The following SWT1 variants were observed in gnomAD, a reference collection of about 807,000 sequenced individuals.
SWT1 encodes transcriptional protein SWT1.
A neutral mutation model predicts 107.3 loss-of-function variants in SWT1; 33 were observed. The ratio of observed to expected loss-of-function variants is 0.31; its 90% CI spans 0.23 to 0.41. SWT1 has a LOEUF of 0.41. SWT1 is among the 10% of genes least tolerant of loss of function. The probability of loss-of-function intolerance (pLI) is 1.00; values close to 1 mark genes in which losing one functional copy is unlikely to be tolerated. For missense variants in SWT1, 898 were observed against 1,028.9 expected (o/e 0.87, Z 1.74); for synonymous variants, 345 against 348.3 (o/e 0.99, Z 0.11).
intron 4 of SWT1, among the ~76,000 whole-genome samples, chr1:185,173,546 A>C (rs1249799683): frequency 6.7e-6 from 1 of 149,932 alleles, no homozygotes; most frequent in Middle Eastern, 3.2e-3. Flanking sequence ...AAAAAAAAAA[A>C]AAAAATACAA....
rs77609322 is a variant in SWT1, at chr1:185,217,302, C to T, written c.2121+2647C>T. 5.8e-3 allele frequency among the ~76,000 whole-genome samples: 889 copies of T among 152,242 alleles called. 32 individuals carry two copies. The East Asian group carries it at 0.094, about 16-fold the overall frequency. On this transcript the variant is annotated intron_variant, in intron 14 of 18. Transcript: ENST00000367500. ...TATTGGCATAGCAGGAGGTGAGCAG[C>T]GAGCAAGCAAGCAAAACTTAATCTG...
chr1:185,251,444 T>G (rs1662013195), intron 16 of SWT1: 2 of 152,350 alleles, frequency 1.3e-5, no homozygotes, highest in Admixed American at 1.3e-4. Context: ...TCCATATTAT[T>G]ATATACTTGC....
intron 5 of SWT1, 149 bp downstream of exon 5, chr1:185,175,262 G>A: frequency 2.9e-6 from 2 of 692,636 alleles, no homozygotes; most frequent in Non-Finnish European, 4.2e-6. Context: ...TCACTCCGTT[G>A]CCCAAGCTGG....
chr1:185,175,809 C>T (rs190217114), intron 5 of SWT1, among the ~76,000 whole-genome samples: 9 of 152,136 alleles, frequency 5.9e-5, no homozygotes, highest in African/African-American at 2.2e-4. Flanking sequence ...TCACCGTGTA[C>T]CAGGCACCAC....
At chr1:185,265,270 T>A (rs1017210551) in intron 16 of SWT1, among the ~76,000 whole-genome samples, 1 of 152,226 alleles carries the variant, frequency 6.6e-6, no homozygotes, top group Non-Finnish European at 1.5e-5. Context: ...AATTGTTCTT[T>A]CACCATTTTA....
rs1665228825 is a variant in SWT1 at position 185,291,122 on chromosome 1, T to A, written c.*319T>A. ...TCCTAGGGCAGGAGCCACTGTGGCA[T>A]CTGAGGAAGACCCAGGGTACAGTAT... On this transcript the variant is annotated 3_prime_UTR_variant, in exon 19 of 19. Transcript: ENST00000367500. The A allele has an allele frequency of 1.2e-5, 2 of 166,788 alleles. No individual in the cohort carries two copies. The highest frequency in any genetic ancestry group is 1.3e-4 in the Admixed American group (2 of 15,840). 10.3% of individuals were successfully genotyped at this position (166,788 alleles called of 1,614,324 possible).
At chr1:185,228,321 G>C (rs1660250830) in intron 15 of SWT1, among the ~76,000 whole-genome samples, 1 of 151,672 alleles carries the variant, frequency 6.6e-6, no homozygotes, top group South Asian at 2.1e-4. Flanking sequence ...AGGAGTTTGA[G>C]ACCAGCCTGG....
At chr1:185,213,726 T>A (rs1236761417) in intron 13 of SWT1, among the ~76,000 whole-genome samples, 2 of 152,144 alleles carry the variant, frequency 1.3e-5, no homozygotes, top group African/African-American at 4.8e-5. Context: ...TGGAAATAAT[T>A]TTTTCTGTTC....
intron 5 of SWT1, 53 bp from the exon 6 acceptor site, chr1:185,180,338 A>C: frequency 6.9e-7 from 1 of 1,439,206 alleles, no homozygotes; most frequent in Non-Finnish European, 9.8e-7. Flanking sequence ...AGGTTGAAAA[A>C]CCCTATTTAG....
intron 14 of SWT1, among the ~76,000 whole-genome samples, chr1:185,216,951 CAAA>C: frequency 1.0e-5 from 1 of 96,730 alleles, no homozygotes. Context: ...GACTCCATTT[CAAA>C]AAAAAAAAAA....
At chr1:185,244,582 C>T (rs1661471433) in intron 16 of SWT1, among the ~76,000 whole-genome samples, 2 of 152,042 alleles carry the variant, frequency 1.3e-5, no homozygotes, top group African/African-American at 4.8e-5. Context: ...GGTGGTGAGT[C>T]AGTGGGTGAG....
intron 3 of SWT1, 57 bp from the exon 4 acceptor site, chr1:185,168,281 CTG>C: frequency 9.5e-7 from 1 of 1,056,818 alleles, no homozygotes; most frequent in Non-Finnish European, 1.3e-6. Context: ...CTATCATAAA[CTG>C]TGGAAAAAAA....
chr1:185,209,946 G>A (rs566856042), intron 13 of SWT1, among the ~76,000 whole-genome samples: 2 of 152,124 alleles, frequency 1.3e-5, no homozygotes, highest in Non-Finnish European at 2.9e-5. Context: ...ATCTCATTGT[G>A]CTTTTGATTT....
intron 2 of SWT1, among the ~76,000 whole-genome samples, chr1:185,161,733 A>G (rs112708009): frequency 1.6e-4 from 24 of 152,292 alleles, no homozygotes; most frequent in African/African-American, 5.5e-4. Flanking sequence ...GTTTTGGTAG[A>G]TGAAATTTAG....
At chr1:185,247,912 C>T (rs945321271) in intron 16 of SWT1, among the ~76,000 whole-genome samples, 2 of 152,102 alleles carry the variant, frequency 1.3e-5, no homozygotes, top group South Asian at 4.1e-4. Flanking sequence ...TTTGCTATTA[C>T]AGTATGAGTT....
At chr1:185,184,079 T>C (rs1299920865) in intron 7 of SWT1, among the ~76,000 whole-genome samples, 164 bp from the exon 8 acceptor site, 2 of 152,228 alleles carry the variant, frequency 1.3e-5, no homozygotes, top group South Asian at 4.1e-4. Flanking sequence ...CGGATAGATA[T>C]CAGCTTGAGA....
intron 15 of SWT1, among the ~76,000 whole-genome samples, chr1:185,228,015 C>T (rs189345305): frequency 4.2e-4 from 63 of 151,594 alleles, no homozygotes; most frequent in African/African-American, 6.8e-4. Flanking sequence ...CACTTGAGCC[C>T]GGGAGGTAGA....
chr1:185,163,439 G>A (rs1654324689), intron 2 of SWT1, among the ~76,000 whole-genome samples: 1 of 150,080 alleles, frequency 6.7e-6, no homozygotes, highest in Non-Finnish European at 1.5e-5. Context: ...TGTCTCCCAG[G>A]CTGGAGTACA....
intron 16 of SWT1, among the ~76,000 whole-genome samples, chr1:185,237,372 TA>T (rs1022480729): frequency 2.0e-5 from 3 of 152,036 alleles, no homozygotes; most frequent in African/African-American, 7.3e-5. Context: ...TATACAGCCA[TA>T]AAAAAGGATG....
Sources: gnomAD v4.1 joint callset for allele counts (sites outside exome capture counted in the v4.1 genomes callset) on GRCh38, gnomAD v4.1.1 for gene constraint, MANE v1.5 for transcripts, NCBI Gene and HGNC (gene_info 2026-07-23, HGNC 2026-07-21) for gene names.